Variants in SYNE1 observed in about 807,000 individuals in gnomAD.
The protein encoded by SYNE1 is spectrin repeat containing nuclear envelope protein 1.
Under a neutral mutation model 1,111.0 loss-of-function variants are expected in SYNE1, and 616 were observed. That is an observed-to-expected ratio of 0.55 (90% CI 0.52 to 0.59). The LOEUF is 0.59. Among genes scored for constraint, SYNE1 ranks in the 20% least tolerant of loss-of-function variants. The pLI, the probability that SYNE1 is intolerant of heterozygous loss-of-function variation, is 0.00. For missense variants in SYNE1, 10,006 were observed against 10,417.0 expected, an observed-to-expected ratio of 0.96 and a Z score of 1.72; for synonymous variants, 3,855 against 3,825.8, an observed-to-expected ratio of 1.01 and a Z score of -0.28.
chr6:152,469,168 A>G (rs914018678), intron 16 of SYNE1, among the ~76,000 whole-genome samples: 10 of 152,106 alleles, frequency 6.6e-5, no homozygotes, highest in Admixed American at 2.0e-4. Flanking sequence ...TTTATTTGAA[A>G]GTTTTCAGCC....
chr6:152,261,241 A>T (rs185996130), intron 101 of SYNE1, among the ~76,000 whole-genome samples: 1 of 152,214 alleles, frequency 6.6e-6, no homozygotes, highest in African/African-American at 2.4e-5. Flanking sequence ...CTGCTAGCCC[A>T]GGACAAAGGA....
At chr6:152,193,506 C>G (rs1401464105) in intron 127 of SYNE1, among the ~76,000 whole-genome samples, 2 of 152,068 alleles carry the variant, frequency 1.3e-5, no homozygotes, top group African/African-American at 4.8e-5. Context: ...TTGTTAGAGA[C>G]AGGGTTTTGC....
intron 3 of SYNE1, among the ~76,000 whole-genome samples, chr6:152,605,737 A>G (rs2099613000): frequency 6.6e-6 from 1 of 152,206 alleles, no homozygotes; most frequent in Admixed American, 6.5e-5. Context: ...CTTTTTATAG[A>G]AACAATTTTA....
intron 81 of SYNE1, among the ~76,000 whole-genome samples, 183 bp from the exon 82 acceptor site, chr6:152,323,920 C>A (rs981572803): frequency 6.6e-6 from 1 of 152,048 alleles, no homozygotes; most frequent in African/African-American, 2.4e-5. Context: ...CACCTCTATA[C>A]CTCTGGGTTT....
intron 48 of SYNE1, among the ~76,000 whole-genome samples, chr6:152,399,348 T>C (rs955094315): frequency 6.6e-6 from 1 of 152,178 alleles, no homozygotes; most frequent in Non-Finnish European, 1.5e-5. Context: ...ACATGAGCTA[T>C]ATATAGAAAA....
intron 33 of SYNE1, chr6:152,435,672 G>T (rs2098467600): frequency 2.0e-6 from 1 of 507,642 alleles, no homozygotes; most frequent in Non-Finnish European, 3.4e-6. Flanking sequence ...ATGTACAAAG[G>T]CCACAGAATA....
chr6:152,304,650 A>G (rs1236414902), intron 91 of SYNE1, among the ~76,000 whole-genome samples: 2 of 152,164 alleles, frequency 1.3e-5, no homozygotes, highest in African/African-American at 2.4e-5. Context: ...TGAAGTAGAC[A>G]GAGTTAGTAT....
At chr6:152,190,424 T>G in intron 127 of SYNE1, among the ~76,000 whole-genome samples, 1 of 152,174 alleles carries the variant, frequency 6.6e-6, no homozygotes, top group East Asian at 1.9e-4. Context: ...CTCCCATGAA[T>G]CATGAATGTT....
At chr6:152,378,976 A>C (rs1297099105) in intron 56 of SYNE1, among the ~76,000 whole-genome samples, 2 of 152,160 alleles carry the variant, frequency 1.3e-5, no homozygotes, top group African/African-American at 2.4e-5. Flanking sequence ...ACAACTAAAC[A>C]ATTTCTCTCT....
chr6:152,570,915 C>A (rs2099450677), intron 3 of SYNE1, among the ~76,000 whole-genome samples: 1 of 152,088 alleles, frequency 6.6e-6, no homozygotes, highest in Non-Finnish European at 1.5e-5. Flanking sequence ...TAAAGGCAGC[C>A]AGATGCGGAG....
Position 152,385,707 on chromosome 6 carries a change from T to A in SYNE1, c.8619A>T (p.Ser2873=), listed in dbSNP as rs1315005061. Residue 2873 remains serine, a synonymous_variant, in exon 55 of 146, where the codon TCA becomes TCT. Transcript: ENST00000367255. ...TTGATAACTTTTTCTGGGTGGCTGATGAATCTCCAGACATATCTGACCACC... is the reference window on the plus strand; with the variant it reads ...TTGATAACTTTTTCTGGGTGGCTGAAGAATCTCCAGACATATCTGACCACC... ...LHRWSDMSGD[S]SATQKKLSKI... is the part of the protein sequence containing the mutation. 6.2e-7 allele frequency: 1 copy of A among 1,614,172 alleles called. No individual in the cohort carries two copies. The highest frequency in any genetic ancestry group is 1.3e-5 in the African/African-American group (1 of 75,076).
Position 152,330,555 on chromosome 6 carries a change from AAG to A in SYNE1, c.14128_14129del (p.Leu4710PhefsTer22). 6.2e-7 allele frequency: 1 copy of A among 1,614,116 alleles called. No individual in the cohort carries two copies. The highest frequency in any genetic ancestry group is 8.5e-7 in the Non-Finnish European group (1 of 1,180,020). On this transcript the variant is annotated frameshift_variant, in exon 78 of 146. Transcript: ENST00000367255. LOFTEE classifies it high-confidence loss of function. Reference sequence around the variant, plus strand: ...TGGCTCTGCAACCATCTTGCAGAGAAAGAGCCTCCTCAACGGCCAGGTCGGTG... The same window carrying A: ...TGGCTCTGCAACCATCTTGCAGAGAAAGCCTCCTCAACGGCCAGGTCGGTG... ...VPTDLAVEEA[L>X]SLQDGCRAIL...
chr6:152,353,540 G>A, intron 68 of SYNE1, 49 bp downstream of exon 68: 11 of 1,613,750 alleles, frequency 6.8e-6, no homozygotes, highest in Non-Finnish European at 9.3e-6. Context: ...AGGCTATTTT[G>A]GCTGGCGAAG....
intron 100 of SYNE1, among the ~76,000 whole-genome samples, chr6:152,263,395 A>G (rs1488113370): frequency 1.3e-5 from 2 of 151,684 alleles, no homozygotes; most frequent in African/African-American, 2.4e-5. Flanking sequence ...GCTCTTATTT[A>G]TTTATTTATT....
At chr6:152,353,790 C>T (rs781740853) in intron 67 of SYNE1, 46 bp from the exon 68 acceptor site, 26 of 1,609,058 alleles carry the variant, frequency 1.6e-5, no homozygotes, top group Admixed American at 5.0e-5. Context: ...CTTAGCCATT[C>T]GAATAAGCCA....
chr6:152,569,407 G>T (rs1283759183), intron 3 of SYNE1, among the ~76,000 whole-genome samples: 1 of 152,160 alleles, frequency 6.6e-6, no homozygotes, highest in Admixed American at 6.5e-5. Flanking sequence ...TCATAAGGTT[G>T]TTGGTAGGAT....
At chr6:152,579,280 GA>G (rs1392055353) in intron 3 of SYNE1, among the ~76,000 whole-genome samples, 7 of 152,166 alleles carry the variant, frequency 4.6e-5, no homozygotes, top group Non-Finnish European at 8.8e-5. Context: ...TGACTTCTGA[GA>G]CTAAGTCTTA....
At chr6:152,226,746 A>G (rs1302543292) in intron 115 of SYNE1, among the ~76,000 whole-genome samples, 1 of 152,148 alleles carries the variant, frequency 6.6e-6, no homozygotes, top group Non-Finnish European at 1.5e-5. Context: ...AGAGCTGGTG[A>G]GGGATGGAGT....
intron 133 of SYNE1, among the ~76,000 whole-genome samples, chr6:152,152,619 A>G (rs1398355349): frequency 2.0e-5 from 3 of 152,226 alleles, no homozygotes; most frequent in African/African-American, 7.2e-5. Context: ...TACTTTTCTA[A>G]AAATCTAGAA....
Sources: allele counts gnomAD v4.1 joint callset (sites outside exome capture counted in the v4.1 genomes callset), GRCh38; gene constraint gnomAD v4.1.1; transcripts MANE v1.5; gene names NCBI Gene and HGNC (gene_info 2026-07-23, HGNC 2026-07-21).